HS2ST1: variants seen among roughly 807,000 people sequenced by gnomAD.
HS2ST1 encodes 2-O-sulfotransferase.
A neutral mutation model predicts 42.9 loss-of-function variants in HS2ST1; 18 were observed. The ratio of observed to expected loss-of-function variants is 0.42; its 90% CI spans 0.29 to 0.62. The LOEUF (loss-of-function observed/expected upper bound fraction) is 0.62. Ranked by LOEUF, HS2ST1 falls within the 20% of genes least tolerant of loss-of-function variation. The pLI is 0.21. For synonymous variants in HS2ST1, 146 were observed against 152.9 expected, an observed-to-expected ratio of 0.95 and a Z score of 0.33; for missense variants, 334 against 433.8, an observed-to-expected ratio of 0.77 and a Z score of 2.04.
intron 1 of HS2ST1, among the ~76,000 whole-genome samples, chr1:86,987,551 C>T (rs915714984): frequency 1.3e-5 from 2 of 152,174 alleles, no homozygotes; most frequent in Admixed American, 1.3e-4. Context: ...GTTCTGAAAG[C>T]CACAGAGTCA....
In HS2ST1 at chr1:86,979,470, G is replaced by A. The variant is rs112244174; in HGVS notation, c.124+64310G>A. Among the ~76,000 whole-genome samples, 412 of 152,158 alleles carry A rather than the reference G, an allele frequency of 2.7e-3. 3 individuals carry two copies. The highest frequency in any genetic ancestry group is 9.2e-3 in the African/African-American group (381 of 41,514). ...TCATATAGCACTGGATTTTGTGTTC[G>A]TATTGTTGTGTCTTTTTTCACTCAA... On this transcript the variant is annotated intron_variant, in intron 1 of 6. Transcript: ENST00000370550.
chr1:87,014,677 A>G (rs1649697990), intron 1 of HS2ST1, among the ~76,000 whole-genome samples: 1 of 152,238 alleles, frequency 6.6e-6, no homozygotes, highest in African/African-American at 2.4e-5. Context: ...AAAAACTATC[A>G]TAAAAGACTC....
At chr1:87,031,326 AT>A (rs1168739737) in intron 1 of HS2ST1, among the ~76,000 whole-genome samples, 1 of 152,132 alleles carries the variant, frequency 6.6e-6, no homozygotes, top group Non-Finnish European at 1.5e-5. Context: ...GACCAACTAA[AT>A]CAGAGTCTCT....
intron 3 of HS2ST1, among the ~76,000 whole-genome samples, chr1:87,092,006 C>T (rs1233332062): frequency 6.6e-6 from 1 of 151,992 alleles, no homozygotes; most frequent in Admixed American, 6.6e-5. Context: ...AAAACACTAT[C>T]AAATCTGGCT....
intron 1 of HS2ST1, among the ~76,000 whole-genome samples, chr1:86,943,837 C>A (rs1647234923): frequency 6.6e-6 from 1 of 151,944 alleles, no homozygotes; most frequent in East Asian, 1.9e-4. Context: ...ACCAGCCTGG[C>A]CAACATGGTG....
intron 1 of HS2ST1, among the ~76,000 whole-genome samples, chr1:86,936,638 A>G (rs1488135463): frequency 1.3e-5 from 2 of 152,236 alleles, no homozygotes; most frequent in Non-Finnish European, 2.9e-5. Context: ...TCAAGGTCAC[A>G]TAGTTTAGGT....
intron 1 of HS2ST1, among the ~76,000 whole-genome samples, chr1:87,031,600 A>G (rs932821330): frequency 6.6e-6 from 1 of 152,188 alleles, no homozygotes; most frequent in Admixed American, 6.5e-5. Flanking sequence ...TAGCAAGACT[A>G]TTGATTAAGG....
intron 2 of HS2ST1, among the ~76,000 whole-genome samples, chr1:87,079,296 C>A (rs1651624003): frequency 6.6e-6 from 1 of 152,170 alleles, no homozygotes; most frequent in East Asian, 1.9e-4. Flanking sequence ...AGCCACCACG[C>A]CTGGCTAATT....
At chr1:87,067,710 T>C (rs1442435458) in intron 1 of HS2ST1, among the ~76,000 whole-genome samples, 1 of 152,220 alleles carries the variant, frequency 6.6e-6, no homozygotes, top group Non-Finnish European at 1.5e-5. Flanking sequence ...AAGTCTTAGT[T>C]TAAGTCTCTA....
chr1:87,087,789 C>T (rs1163247797), intron 3 of HS2ST1, among the ~76,000 whole-genome samples: 3 of 151,326 alleles, frequency 2.0e-5, no homozygotes, highest in East Asian at 1.9e-4. Context: ...GTGGGAGTTG[C>T]GTTTTTATTA....
In HS2ST1 at chr1:86,965,671, C is replaced by G. The variant is rs193232733; in HGVS notation, c.124+50511C>G. Among the ~76,000 whole-genome samples the G allele has an allele frequency of 7.9e-5, 12 of 152,032 alleles. No homozygotes were observed. The East Asian group carries it at 1.2e-3, about 15-fold the overall frequency. Reference sequence around the variant, plus strand: ...TGGTTTTTTTTTAGGGGATTAAAATCTCTAGCCAGTGATTAAGATCTAACC... The same window carrying G: ...TGGTTTTTTTTTAGGGGATTAAAATGTCTAGCCAGTGATTAAGATCTAACC... On this transcript the variant is annotated intron_variant, in intron 1 of 6. Coordinates refer to ENST00000370550, the MANE Select transcript of HS2ST1 (RefSeq NM_012262.4).
At chr1:87,049,465 G>A (rs2100612733) in intron 1 of HS2ST1, among the ~76,000 whole-genome samples, 1 of 151,914 alleles carries the variant, frequency 6.6e-6, no homozygotes, top group Middle Eastern at 3.4e-3. Context: ...CAATTTTGAT[G>A]TTTTTGTTTT....
chr1:86,970,065 C>T (rs761695636), intron 1 of HS2ST1, among the ~76,000 whole-genome samples: 33 of 149,476 alleles, frequency 2.2e-4, no homozygotes, highest in East Asian at 9.9e-4. Context: ...GCAGAGATCG[C>T]GGTGAGTCAA....
chr1:87,048,087 T>A (rs1650733729), intron 1 of HS2ST1, among the ~76,000 whole-genome samples: 1 of 152,284 alleles, frequency 6.6e-6, no homozygotes, highest in East Asian at 1.9e-4. Flanking sequence ...AGATCTTATT[T>A]AATTTTTCTC....
At chr1:86,937,596 G>A (rs188434483) in intron 1 of HS2ST1, among the ~76,000 whole-genome samples, 46 of 152,242 alleles carry the variant, frequency 3.0e-4, no homozygotes, top group African/African-American at 1.1e-3. Context: ...TTGTGGGAAT[G>A]CCTTCCTCTC....
intron 1 of HS2ST1, chr1:86,932,249 A>C (rs1268605136): frequency 3.9e-5 from 6 of 152,196 alleles, no homozygotes; most frequent in African/African-American, 1.4e-4. Flanking sequence ...GAGCTAAAAA[A>C]ATTTGATCAC....
intron 3 of HS2ST1, among the ~76,000 whole-genome samples, chr1:87,090,708 A>G (rs1651918578): frequency 6.6e-6 from 1 of 151,964 alleles, no homozygotes; most frequent in African/African-American, 2.4e-5. Context: ...TGTATAAAGT[A>G]ATGCTTGTAA....
intron 1 of HS2ST1, among the ~76,000 whole-genome samples, chr1:87,018,304 C>G (rs2100585228): frequency 6.6e-6 from 1 of 152,296 alleles, no homozygotes; most frequent in African/African-American, 2.4e-5. Flanking sequence ...TGACACAATG[C>G]CATTAAAGGA....
intron 4 of HS2ST1, among the ~76,000 whole-genome samples, chr1:87,095,806 T>A (rs1438301952): frequency 1.3e-5 from 2 of 152,088 alleles, no homozygotes; most frequent in Admixed American, 6.5e-5. Flanking sequence ...ACTGAAAAAA[T>A]TTTAAAATAT....
Sources: allele counts gnomAD v4.1 joint callset (sites outside exome capture counted in the v4.1 genomes callset), GRCh38; gene constraint gnomAD v4.1.1; transcripts MANE v1.5; gene names NCBI Gene and HGNC (gene_info 2026-07-23, HGNC 2026-07-21).